CFAP161: variants seen among roughly 807,000 people sequenced by gnomAD.
CFAP161 encodes the protein cilia- and flagella-associated protein 161.
Under a neutral mutation model 29.0 loss-of-function variants are expected in CFAP161, and 25 were observed. That is an observed-to-expected ratio of 0.86 (90% confidence interval 0.63 to 1.20). The LOEUF (loss-of-function observed/expected upper bound fraction) is 1.20. Ranked by LOEUF, CFAP161 falls within the 50% of genes most tolerant of loss-of-function variation. The pLI, the probability that CFAP161 is intolerant of heterozygous loss-of-function variation, is 0.00. For missense variants in CFAP161, 367 were observed against 371.9 expected (o/e 0.99, Z 0.11); for synonymous variants, 116 against 137.4 (o/e 0.84, Z 1.09).
intron 4 of CFAP161, among the ~76,000 whole-genome samples, chr15:81,139,696 G>A (rs992988607): frequency 5.9e-5 from 9 of 152,122 alleles, no homozygotes; most frequent in Admixed American, 5.2e-4. Context: ...GTGCATTTGT[G>A]TATAAATGCT....
chr15:81,129,219 C>T (rs1318147434), intron 2 of CFAP161, among the ~76,000 whole-genome samples: 1 of 152,056 alleles, frequency 6.6e-6, no homozygotes, highest in Non-Finnish European at 1.5e-5. Context: ...AACAGATGTG[C>T]TGTCATCCAG....
chr15:81,103,109 T>C (rs926252511), intron 1 of CFAP161, among the ~76,000 whole-genome samples: 8 of 152,206 alleles, frequency 5.3e-5, no homozygotes, highest in Admixed American at 3.3e-4. Flanking sequence ...GCAACTTTTA[T>C]TGAGCACTTA....
chr15:81,120,546 T>C (rs986483351), intron 1 of CFAP161, among the ~76,000 whole-genome samples: 7 of 152,148 alleles, frequency 4.6e-5, no homozygotes, highest in African/African-American at 1.7e-4. Context: ...GGTCGGAGGA[T>C]CACTTGAGGC....
chr15:81,147,860 A>C lies in CFAP161; in HGVS notation c.639A>C (p.Ala213=), dbSNP rs1895035043. 3.1e-6 allele frequency: 5 copies of C among 1,602,984 alleles called. No homozygotes were observed. The highest frequency in any genetic ancestry group is 1.3e-5 in the African/African-American group (1 of 74,458). ...RLEYEGFPVP[A]NAKILINHCH... ...ACACATTTTCTTTATCTGTTAAGGC[A>C]AATGCTAAAATTCTCATCAATCACT... Residue 213 remains alanine (A), a splice_region_variant and synonymous_variant, in exon 6 of 7, where the codon GCA becomes GCC. Transcript: ENST00000286732.
upstream of CFAP161, among the ~76,000 whole-genome samples, chr15:81,131,978 G>A (rs1485408052): frequency 6.6e-6 from 1 of 152,138 alleles, no homozygotes; most frequent in Non-Finnish European, 1.5e-5. Flanking sequence ...TTTCTCATCA[G>A]AAATAATGGA....
chr15:81,114,057 C>G (rs1338531909), intron 1 of CFAP161, among the ~76,000 whole-genome samples: 4 of 152,172 alleles, frequency 2.6e-5, no homozygotes, highest in African/African-American at 9.7e-5. Flanking sequence ...TATAATACCA[C>G]AGTTGCCAAA....
chr15:81,136,643 C>T lies in CFAP161; in HGVS notation c.287C>T (p.Pro96Leu), dbSNP rs201483243. 3.7e-6 allele frequency: 6 copies of T among 1,614,182 alleles called. No individual in the cohort carries two copies. In the African/African-American group the frequency reaches 8.0e-5, roughly 22 times the overall value. The change falls in exon 3 of 7, where the codon CCA (proline) becomes CTA (leucine). Residue 96 changes from proline to leucine, a missense_variant. Pro to Leu is a moderately conservative substitution (Grantham distance 98). Coordinates refer to ENST00000286732, the MANE Select transcript of CFAP161 (RefSeq NM_173528.4). ...GGGGACCTGAGCCTGTGTATGACTC[C>T]AGATGAAATTCAGTCCCATCTGAAA... ...LRGDLSLCMT[P>L]DEIQSHLKDE... is the part of the protein sequence containing the mutation.
rs553972024 is a variant in CFAP161 at position 81,139,537 on chromosome 15, C to T, written c.477+1402C>T. Among the ~76,000 whole-genome samples the T allele has an allele frequency of 3.9e-5, 6 of 152,130 alleles. No homozygotes were observed. The East Asian group carries it at 1.2e-3, about 29-fold the overall frequency. ...AGATAGGTTATTCTTTCTAAAATAGCATTTTTAAAGCTTTTTAAAATGACG... is the reference window on the plus strand; with the variant it reads ...AGATAGGTTATTCTTTCTAAAATAGTATTTTTAAAGCTTTTTAAAATGACG... On this transcript the variant is annotated intron_variant, in intron 4 of 6. Transcript: ENST00000286732.
At chr15:81,119,941 T>G (rs1894550721) in intron 1 of CFAP161, among the ~76,000 whole-genome samples, 1 of 151,982 alleles carries the variant, frequency 6.6e-6, no homozygotes, top group African/African-American at 2.4e-5. Context: ...CACCAGTCAC[T>G]ATAAAATAAG....
chr15:81,125,860 GTTTGTTTTTGT>G (rs1567154490), intron 1 of CFAP161, among the ~76,000 whole-genome samples: 1 of 151,692 alleles, frequency 6.6e-6, no homozygotes, highest in African/African-American at 2.4e-5. Context: ...TGTTTTTTTT[GTTTGTTTTTGT>G]TTTTGTTTTT....
At chr15:81,115,350 T>G (rs1486459548) in intron 1 of CFAP161, among the ~76,000 whole-genome samples, 1 of 152,196 alleles carries the variant, frequency 6.6e-6, no homozygotes, top group Non-Finnish European at 1.5e-5. Context: ...GATGCTGGGA[T>G]GAACCTGTTC....
chr15:81,118,356 T>G, intron 1 of CFAP161: 1 of 310,562 alleles, frequency 3.2e-6, no homozygotes, highest in Non-Finnish European at 6.2e-6. Context: ...TTAAACACTC[T>G]TACATCTCAG....
chr15:81,111,801 A>G (rs1004491445), intron 1 of CFAP161, among the ~76,000 whole-genome samples: 5 of 152,138 alleles, frequency 3.3e-5, no homozygotes, highest in African/African-American at 1.2e-4. Context: ...CATCATTTCT[A>G]TTATTATGTC....
At position 81,148,465 on chromosome 15, in the gene CFAP161, G is replaced by A; in HGVS notation, c.838G>A (p.Asp280Asn). The A allele has an allele frequency of 1.2e-6, 2 of 1,614,130 alleles. No individual in the cohort carries two copies. Among genetic ancestry groups the A allele is most frequent in the South Asian group, 2.2e-5 (2 of 91,076 alleles). ...NPRDASSSML[D>N]LPKPPTEDTR... Reference sequence around the variant, plus strand: ...CAGGGATGCCTCGTCCTCCATGTTGGATCTGCCCAAACCACCCACAGAGGA... The same window carrying A: ...CAGGGATGCCTCGTCCTCCATGTTGAATCTGCCCAAACCACCCACAGAGGA... The change falls in exon 7 of 7, where the codon GAT becomes AAT. Residue 280 changes from aspartate to asparagine, a missense_variant. Physicochemically the swap from Asp to Asn is conservative, Grantham distance 23. Transcript: ENST00000286732.
intron 1 of CFAP161, among the ~76,000 whole-genome samples, chr15:81,112,650 T>A (rs1894452538): frequency 6.6e-6 from 1 of 152,188 alleles, no homozygotes; most frequent in African/African-American, 2.4e-5. Context: ...ATTATCAAGA[T>A]CTTAGCTTTT....
intron 4 of CFAP161, among the ~76,000 whole-genome samples, chr15:81,141,572 G>A (rs78218763): frequency 0.014 from 2,089 of 152,134 alleles, 42 homozygotes; most frequent in African/African-American, 0.048. Context: ...AAACCCTTCT[G>A]GGGCATTCAT....
intron 1 of CFAP161, among the ~76,000 whole-genome samples, chr15:81,109,664 A>G (rs1420302124): frequency 6.6e-6 from 1 of 152,204 alleles, no homozygotes. Context: ...TGATTGCACC[A>G]TGGCACCCCA....
At chr15:81,133,227 ATTT>A (rs111496841), upstream of CFAP161, among the ~76,000 whole-genome samples, 3 of 50,390 alleles carry the variant, frequency 6.0e-5, no homozygotes, top group Non-Finnish European at 1.3e-4. Context: ...ATATATATGT[ATTT>A]TTTTTTAAAT....
At chr15:81,105,095 T>TCCCTCCCTCCCTCCCTCCCTCCCTTCCC (rs1894346012) in intron 1 of CFAP161, among the ~76,000 whole-genome samples, 1 of 62,510 alleles carries the variant, frequency 1.6e-5, no homozygotes, top group Non-Finnish European at 3.3e-5. Context: ...TTCTTTTCCC[T>TCCCTCCCTCCCTCCCTCCCTCCCTTCCC]CCCTCCCTCC....
Sources: allele counts gnomAD v4.1 joint callset (sites outside exome capture counted in the v4.1 genomes callset), GRCh38; gene constraint gnomAD v4.1.1; transcripts MANE v1.5; gene names NCBI Gene and HGNC (gene_info 2026-07-23, HGNC 2026-07-21).